The following DST variants were observed in gnomAD, a reference collection of about 807,000 sequenced individuals.
DST encodes the protein bullous pemphigoid antigen.
A neutral mutation model predicts 875.2 loss-of-function variants in DST; 253 were observed. The ratio of observed to expected loss-of-function variants is 0.29; its 90% CI spans 0.26 to 0.32. The LOEUF (loss-of-function observed/expected upper bound fraction) is 0.32. Among genes scored for constraint, DST ranks in the 10% least tolerant of loss-of-function variants. The probability of loss-of-function intolerance (pLI) is 1.00; values close to 1 mark genes in which losing one functional copy is unlikely to be tolerated. For missense variants in DST, 8,287 were observed against 9,111.6 expected (o/e 0.91, Z 3.68); for synonymous variants, 3,124 against 3,197.1 (o/e 0.98, Z 0.77).
At position 56,471,288 on chromosome 6, in the gene DST, TTTGA is replaced by T. The variant is rs773173939; in HGVS notation, c.22159-24_22159-21del. Reference sequence around the variant, plus strand: ...CCTCAGCTAAAAGGACAAAAAGTATTTTGATTGAGTTAATGCTGTACTAAAATTG... The same window carrying T: ...CCTCAGCTAAAAGGACAAAAAGTATTTTGAGTTAATGCTGTACTAAAATTG... On this transcript the variant is annotated intron_variant, in intron 94 of 103. Transcript: ENST00000680361. 1.3e-6 allele frequency: 2 copies of T among 1,552,422 alleles called. No homozygotes were observed. Among genetic ancestry groups the T allele is most frequent in the East Asian group, 4.7e-5 (2 of 42,472 alleles).
chr6:56,730,528 G>C (rs1173858062), intron 5 of DST, among the ~76,000 whole-genome samples: 1 of 152,142 alleles, frequency 6.6e-6, no homozygotes, highest in African/African-American at 2.4e-5. Context: ...GGAGTACCTA[G>C]TGTCATAGGT....
intron 2 of DST, among the ~76,000 whole-genome samples, chr6:56,953,124 T>C (rs1433910404): frequency 6.6e-6 from 1 of 152,192 alleles, no homozygotes; most frequent in Non-Finnish European, 1.5e-5. Context: ...TATCTTAGGA[T>C]AAGTGGAGGT....
intron 2 of DST, among the ~76,000 whole-genome samples, chr6:56,914,829 C>T (rs185968757): frequency 6.6e-6 from 1 of 152,294 alleles, no homozygotes; most frequent in African/African-American, 2.4e-5. Flanking sequence ...ATATACACAT[C>T]AAAAACAGGT....
chr6:56,548,538 GTTAC>G (rs1247458030), intron 61 of DST, among the ~76,000 whole-genome samples: 2 of 152,296 alleles, frequency 1.3e-5, no homozygotes, highest in East Asian at 1.9e-4. Flanking sequence ...TAATATTAAT[GTTAC>G]TTAATAATGT....
chr6:56,479,579 T>TG (rs2095331908), intron 90 of DST, among the ~76,000 whole-genome samples: 1 of 152,134 alleles, frequency 6.6e-6, no homozygotes, highest in Non-Finnish European at 1.5e-5. Flanking sequence ...ATATATACCA[T>TG]GGAATACTAT....
intron 34 of DST, among the ~76,000 whole-genome samples, chr6:56,625,869 G>T (rs1270147747): frequency 6.6e-6 from 1 of 151,170 alleles, no homozygotes; most frequent in African/African-American, 2.4e-5. Flanking sequence ...CTTCCCATGG[G>T]ATTTGGAGGT....
rs749680610 is a variant in DST at position 56,604,986 on chromosome 6, C to A, written c.9642G>T (p.Met3214Ile). Residue 3214 changes from methionine to isoleucine, a missense_variant, in exon 40 of 104, where the codon ATG (methionine) becomes ATT (isoleucine). Coordinates refer to ENST00000680361, the MANE Select transcript of DST (RefSeq NM_001374736.1). ...PSHVLITAPP[M>I]KEHLQLGVNN... is the part of the protein sequence containing the mutation. ...TAACTCCTAATTGTAAATGTTCTTT[C>A]ATGGGAGGGGCAGTTATTAAAACAT... The A allele has an allele frequency of 3.1e-6, 5 of 1,612,768 alleles. No homozygotes were observed. In the South Asian group the frequency reaches 5.5e-5, roughly 18 times the overall value.
intron 43 of DST, 56 bp from the exon 44 acceptor site, chr6:56,601,732 T>C (rs893620350): frequency 1.0e-6 from 1 of 995,586 alleles, no homozygotes; most frequent in Non-Finnish European, 1.5e-6. Flanking sequence ...ATAAAATTTA[T>C]ATTAACAATA....
Position 56,917,413 on chromosome 6 carries a change from T to G in DST, c.217-16792A>C, listed in dbSNP as rs543218595. 3.9e-5 allele frequency among the ~76,000 whole-genome samples: 6 copies of G among 152,348 alleles called. No individual in the cohort carries two copies. In the South Asian group the frequency reaches 1.2e-3, roughly 32 times the overall value. On this transcript the variant is annotated intron_variant, in intron 2 of 103. Coordinates refer to ENST00000680361, the MANE Select transcript of DST (RefSeq NM_001374736.1). ...AAATGCTTGTGGCTAGTCCATTTTG[T>G]GGTGGCTACAGCATTTTTTACTGTT...
Position 56,469,001 on chromosome 6 carries a change from T to C in DST, c.22552-2A>G. 1.3e-6 allele frequency: 2 copies of C among 1,575,854 alleles called. No individual in the cohort carries two copies. The highest frequency in any genetic ancestry group is 1.3e-5 in the African/African-American group (1 of 74,158). On this transcript the variant is annotated splice_acceptor_variant, in intron 97 of 103. Coordinates refer to ENST00000680361, the MANE Select transcript of DST (RefSeq NM_001374736.1). LOFTEE classifies it high-confidence loss of function. ...TTATACCTGATTTCCCAGGAAGAACTGATAAAAATGAAAAATGGAAGAAAG... is the reference window on the plus strand; with the variant it reads ...TTATACCTGATTTCCCAGGAAGAACCGATAAAAATGAAAAATGGAAGAAAG...
At chr6:56,529,271 T>C (rs2096855490) in intron 66 of DST, among the ~76,000 whole-genome samples, 177 bp downstream of exon 66, 1 of 152,226 alleles carries the variant, frequency 6.6e-6, no homozygotes, top group Non-Finnish European at 1.5e-5. Context: ...GCTAATTGGA[T>C]AGAGTCACTC....
Position 56,640,039 on chromosome 6 carries a change from C to T in DST, c.2509G>A (p.Glu837Lys). The change falls in exon 19 of 104, where the codon GAG becomes AAG. Residue 837 changes from glutamate to lysine, a missense_variant. Glu to Lys is a moderately conservative substitution (Grantham distance 56). Transcript: ENST00000680361. ...DEMQVQLDRTEWGSDLPSVES... is the reference protein window; with the variant it reads ...DEMQVQLDRTKWGSDLPSVES... ...ACACTTGGCAAATCTGAGCCCCACT[C>T]AGTGCGGTCCAGTTGTACCTTCAGA... The T allele has an allele frequency of 6.2e-7, 1 of 1,614,090 alleles. No homozygotes were observed. The highest frequency in any genetic ancestry group is 8.5e-7 in the Non-Finnish European group (1 of 1,180,002).
chr6:56,582,877 A>T (rs1334112409), intron 49 of DST, among the ~76,000 whole-genome samples: 1 of 152,084 alleles, frequency 6.6e-6, no homozygotes, highest in East Asian at 1.9e-4. Context: ...TAGTTTACTG[A>T]GAATGATGAT....
intron 3 of DST, among the ~76,000 whole-genome samples, chr6:56,859,933 T>G (rs1770117362): frequency 6.6e-6 from 1 of 152,190 alleles, no homozygotes; most frequent in Non-Finnish European, 1.5e-5. Context: ...AGATTGGAGA[T>G]GCAGTTCCCC....
At chr6:56,828,295 T>A (rs2099783191) in intron 4 of DST, among the ~76,000 whole-genome samples, 1 of 152,200 alleles carries the variant, frequency 6.6e-6, no homozygotes, top group South Asian at 2.1e-4. Context: ...ATATTTTAGT[T>A]CCATGTTATA....
chr6:56,658,919 G>C (rs1452877903), intron 10 of DST, among the ~76,000 whole-genome samples: 1 of 152,210 alleles, frequency 6.6e-6, no homozygotes, highest in African/African-American at 2.4e-5. Flanking sequence ...CAGTGCATGA[G>C]TGGGGAGCCA....
At chr6:56,657,800 C>T (rs956044532) in intron 10 of DST, among the ~76,000 whole-genome samples, 6 of 152,202 alleles carry the variant, frequency 3.9e-5, no homozygotes, top group African/African-American at 1.4e-4. Flanking sequence ...GAGTCTCACT[C>T]TGTCATCCAC....
chr6:56,851,414 G>T lies in DST; in HGVS notation c.608C>A (p.Ala203Glu), dbSNP rs201871537. Residue 203 changes from alanine (A) to glutamate (E), a missense_variant, in exon 4 of 104, where the codon GCA becomes GAA. Coordinates refer to ENST00000680361, the MANE Select transcript of DST (RefSeq NM_001374736.1). ...GCTCTTACCTGCTATCCGAAGCACT[G>T]CCCTCTCGGCAGGGTCCAGCACTGA... Reference protein sequence around the residue: ...GGSVLDPAERAVLRIADERDK... With the variant: ...GGSVLDPAEREVLRIADERDK... 4 of 1,613,218 alleles carry T rather than the reference G, an allele frequency of 2.5e-6. No individual in the cohort carries two copies. Among genetic ancestry groups the T allele is most frequent in the Non-Finnish European group, 3.4e-6 (4 of 1,179,834 alleles).
intron 99 of DST, among the ~76,000 whole-genome samples, chr6:56,465,096 C>T (rs773006763): frequency 9.2e-5 from 14 of 152,128 alleles, no homozygotes; most frequent in Non-Finnish European, 1.8e-4. Context: ...TTACTTCTCT[C>T]GCAGGTGTGT....
Sources: gnomAD v4.1 joint callset for allele counts (sites outside exome capture counted in the v4.1 genomes callset) on GRCh38, gnomAD v4.1.1 for gene constraint, MANE v1.5 for transcripts, NCBI Gene and HGNC (gene_info 2026-07-23, HGNC 2026-07-21) for gene names.